Variants in ARHGEF4 observed in about 807,000 individuals in gnomAD.
The protein encoded by ARHGEF4 is Rho guanine nucleotide exchange factor 4, also known as APC-stimulated guanine nucleotide exchange factor 1.
Under a neutral mutation model 162.0 loss-of-function variants are expected in ARHGEF4, and 119 were observed. That is an observed-to-expected ratio of 0.73 (90% CI 0.63 to 0.86). The LOEUF is 0.86. ARHGEF4 is among the 40% of genes least tolerant of loss of function. ARHGEF4 has a pLI of 0.00. For synonymous variants in ARHGEF4, 1,014 were observed against 979.9 expected (o/e 1.03, Z -0.65); for missense variants, 2,488 against 2,456.0 (o/e 1.01, Z -0.28).
rs767140418 is a variant in ARHGEF4 at position 131,043,408 on chromosome 2, G to A, written c.5026-44G>A. 7 of 1,610,290 alleles carry A rather than the reference G, an allele frequency of 4.3e-6. No individual in the cohort carries two copies. In the African/African-American group the frequency reaches 6.7e-5, roughly 15 times the overall value. ...GATGGGGGCAGGAAGTGGAGCCCAC[G>A]GTTGGGTATGCGAGGCTCATGGTTC... On this transcript the variant is annotated intron_variant, in intron 10 of 13. Transcript: ENST00000409359.
At chr2:130,963,245 C>T (rs555547847) in intron 4 of ARHGEF4, among the ~76,000 whole-genome samples, 23 of 152,274 alleles carry the variant, frequency 1.5e-4, no homozygotes, top group African/African-American at 4.8e-4. Flanking sequence ...GTGTGTCCTG[C>T]CCGGGCTGTC....
At chr2:130,949,060 A>G (rs1313990274) in intron 4 of ARHGEF4, among the ~76,000 whole-genome samples, 1 of 151,866 alleles carries the variant, frequency 6.6e-6, no homozygotes, top group Non-Finnish European at 1.5e-5. Context: ...AATTTGATCC[A>G]TTTTCTGCCC....
At chr2:130,983,624 TTTTA>T (rs1484667908) in intron 4 of ARHGEF4, among the ~76,000 whole-genome samples, 4 of 152,034 alleles carry the variant, frequency 2.6e-5, no homozygotes, top group African/African-American at 9.7e-5. Flanking sequence ...ATGAGTGCTC[TTTTA>T]TTTATTTTTA....
At chr2:130,908,836 A>G (rs1175260708) in intron 1 of ARHGEF4, among the ~76,000 whole-genome samples, 3 of 152,222 alleles carry the variant, frequency 2.0e-5, no homozygotes, top group Middle Eastern at 3.2e-3. Flanking sequence ...TTACAACTCA[A>G]TAGTAAGAAC....
chr2:130,938,832 A>T (rs1277495538), intron 3 of ARHGEF4, among the ~76,000 whole-genome samples: 2 of 151,874 alleles, frequency 1.3e-5, no homozygotes, highest in South Asian at 4.2e-4. Flanking sequence ...AGTCTCAAAG[A>T]TTTTCTTCTG....
intron 1 of ARHGEF4, among the ~76,000 whole-genome samples, chr2:130,893,235 T>G (rs1410931510): frequency 6.6e-6 from 1 of 152,164 alleles, no homozygotes; most frequent in Non-Finnish European, 1.5e-5. Flanking sequence ...GTTCCCCGCC[T>G]CCCTGTCTCT....
intron 1 of ARHGEF4, among the ~76,000 whole-genome samples, chr2:130,907,826 T>G (rs371864668): frequency 2.6e-5 from 4 of 151,354 alleles, no homozygotes; most frequent in East Asian, 4.0e-4. Flanking sequence ...CGTGGTGGCA[T>G]GCACCTATAG....
chr2:130,882,268 C>A (rs1679242725), intron 1 of ARHGEF4, among the ~76,000 whole-genome samples: 1 of 152,084 alleles, frequency 6.6e-6, no homozygotes, highest in Admixed American at 6.5e-5. Flanking sequence ...CCAGGAGGGC[C>A]TGTTCCTTCC....
intron 1 of ARHGEF4, among the ~76,000 whole-genome samples, chr2:130,850,956 A>G (rs890812552): frequency 5.9e-5 from 9 of 152,234 alleles, no homozygotes; most frequent in Non-Finnish European, 1.2e-4. Flanking sequence ...CCCTCGGTAT[A>G]GCCTGGGCAG....
chr2:131,000,121 A>G (rs562420509), intron 4 of ARHGEF4, among the ~76,000 whole-genome samples: 50 of 152,376 alleles, frequency 3.3e-4, no homozygotes, highest in African/African-American at 1.2e-3. Context: ...AAAAAAGAAG[A>G]AAGTTCTTTT....
chr2:130,867,244 T>TA (rs201355075), intron 1 of ARHGEF4, among the ~76,000 whole-genome samples: 18 of 146,798 alleles, frequency 1.2e-4, no homozygotes, highest in South Asian at 2.1e-4. Flanking sequence ...TTATTATTAT[T>TA]TTTTTTTTTT....
chr2:130,916,232 C>T lies in ARHGEF4; in HGVS notation c.2286C>T (p.Ala762=), dbSNP rs1351924065. The T allele has an allele frequency of 6.5e-7, 1 of 1,534,170 alleles. No individual in the cohort carries two copies. ...EEAPEGGAAA[A]RGQRPRVPAL... Reference sequence around the variant, plus strand: ...CCCCCGAAGGCGGTGCTGCAGCAGCCCGGGGCCAGCGCCCCCGCGTCCCCG... The same window carrying T: ...CCCCCGAAGGCGGTGCTGCAGCAGCTCGGGGCCAGCGCCCCCGCGTCCCCG... The change falls in exon 2 of 14, where the codon GCC becomes GCT. Residue 762 remains alanine, a synonymous_variant. Transcript: ENST00000409359.
chr2:131,002,170 A>G (rs1687811700), intron 4 of ARHGEF4, among the ~76,000 whole-genome samples: 1 of 152,220 alleles, frequency 6.6e-6, no homozygotes, highest in South Asian at 2.1e-4. Flanking sequence ...CCCTGTCTTC[A>G]TGGAGCTTGC....
intron 2 of ARHGEF4, among the ~76,000 whole-genome samples, chr2:130,926,046 T>TTCTTTCTTTCTTTCTTTCTCTCTCTCTC (rs1302027772): frequency 1.2e-4 from 2 of 16,272 alleles, no homozygotes; most frequent in African/African-American, 4.7e-4. Flanking sequence ...CTTTCTTTCT[T>TTCTTTCTTTCTTTCTTTCTCTCTCTCTC]TCTCTTTCTT....
intron 1 of ARHGEF4, among the ~76,000 whole-genome samples, chr2:130,845,819 T>A (rs1680918838): frequency 6.6e-6 from 1 of 152,172 alleles, no homozygotes. Flanking sequence ...CGGATGGGCC[T>A]CCAGGGAACC....
intron 1 of ARHGEF4, among the ~76,000 whole-genome samples, chr2:130,862,571 AAAATTATGT>A (rs1682015968): frequency 3.2e-5 from 1 of 30,850 alleles, no homozygotes; most frequent in South Asian, 1.4e-3. Flanking sequence ...TGACAAAAGA[AAAATTATGT>A]AAATCCGGGC....
At chr2:130,904,780 TATAA>T (rs1680709712) in intron 1 of ARHGEF4, among the ~76,000 whole-genome samples, 1 of 100,348 alleles carries the variant, frequency 1.0e-5, no homozygotes, top group African/African-American at 2.6e-5. Context: ...CAATTTTCAC[TATAA>T]AAAAAAAACA....
At position 130,988,895 on chromosome 2, in the gene ARHGEF4, T is replaced by TAGAG. The variant is rs1259444648; in HGVS notation, c.3986-39049_3986-39048insGAGA. ...GTGTATATATATATATATATATATA[T>TAGAG]ATATATAGAGAGAGAGAGAGAGAGA... On this transcript the variant is annotated intron_variant, in intron 4 of 13. Transcript: ENST00000409359. 4.4e-3 allele frequency among the ~76,000 whole-genome samples: 479 copies of TAGAG among 108,988 alleles called. 2 individuals carry two copies. The highest frequency in any genetic ancestry group is 7.0e-3 in the African/African-American group (203 of 28,884). The allele number at this position is 108,988 out of a possible 152,430, so 71.5% of individuals were successfully genotyped here.
chr2:130,977,250 A>G (rs1422023902), intron 4 of ARHGEF4, among the ~76,000 whole-genome samples: 1 of 151,004 alleles, frequency 6.6e-6, no homozygotes, highest in Non-Finnish European at 1.5e-5. Flanking sequence ...TATGCTGTGC[A>G]TGTGTAGTGT....
Sources: allele counts gnomAD v4.1 joint callset (sites outside exome capture counted in the v4.1 genomes callset), GRCh38; gene constraint gnomAD v4.1.1; transcripts MANE v1.5; gene names NCBI Gene and HGNC (gene_info 2026-07-23, HGNC 2026-07-21).